CNNM2: variants seen among roughly 807,000 people sequenced by gnomAD.
CNNM2 encodes metal transporter CNNM2.
CNNM2 carries 12 observed loss-of-function variants against 66.9 expected under a neutral mutation model. The observed-to-expected ratio is 0.18, with a 90% CI of 0.11 to 0.29. CNNM2 has a LOEUF of 0.29. Among genes scored for constraint, CNNM2 ranks in the 10% least tolerant of loss-of-function variants. CNNM2 has a pLI of 1.00. For synonymous variants in CNNM2, 557 were observed against 501.8 expected (o/e 1.11, Z -1.47); for missense variants, 705 against 1,167.7 (o/e 0.60, Z 5.77).
intron 1 of CNNM2, among the ~76,000 whole-genome samples, chr10:103,019,329 A>G (rs2064523039): frequency 6.6e-6 from 1 of 151,922 alleles, no homozygotes; most frequent in Non-Finnish European, 1.5e-5. Context: ...GAATCATTGT[A>G]TTTAGCAAAA....
intron 3 of CNNM2, among the ~76,000 whole-genome samples, chr10:103,055,246 A>T (rs1012345661): frequency 1.3e-5 from 2 of 152,222 alleles, no homozygotes; most frequent in South Asian, 4.1e-4. Flanking sequence ...CAGTGGCTTT[A>T]GAAGACATCG....
chr10:103,044,332 G>A (rs2065092787), intron 1 of CNNM2, among the ~76,000 whole-genome samples: 1 of 152,134 alleles, frequency 6.6e-6, no homozygotes, highest in Non-Finnish European at 1.5e-5. Flanking sequence ...GGCCCATGTG[G>A]ATCACTTGAG....
chr10:103,058,909 T>C (rs558019666), intron 4 of CNNM2, among the ~76,000 whole-genome samples: 2 of 152,348 alleles, frequency 1.3e-5, no homozygotes, highest in African/African-American at 4.8e-5. Flanking sequence ...TAAGCCAGCG[T>C]TGGAAGTTCA....
chr10:102,928,855 G>A (rs1346296062), intron 1 of CNNM2, among the ~76,000 whole-genome samples: 2 of 152,198 alleles, frequency 1.3e-5, no homozygotes, highest in African/African-American at 4.8e-5. Context: ...TTGAGAGGAC[G>A]CATTCAAACC....
chr10:102,947,025 T>A (rs1490220201), intron 1 of CNNM2, among the ~76,000 whole-genome samples: 1 of 152,162 alleles, frequency 6.6e-6, no homozygotes, highest in Non-Finnish European at 1.5e-5. Context: ...GAGTAAATGT[T>A]GATGAGATAG....
At chr10:102,981,452 T>C (rs2063718895) in intron 1 of CNNM2, among the ~76,000 whole-genome samples, 1 of 152,014 alleles carries the variant, frequency 6.6e-6, no homozygotes, top group African/African-American at 2.4e-5. Flanking sequence ...TACTCACTTA[T>C]CTTGGGAGAA....
At chr10:102,968,748 C>G (rs1047722281) in intron 1 of CNNM2, among the ~76,000 whole-genome samples, 5 of 151,848 alleles carry the variant, frequency 3.3e-5, no homozygotes, top group Non-Finnish European at 5.9e-5. Context: ...GGACTACATA[C>G]AGGTGCACGC....
intron 1 of CNNM2, among the ~76,000 whole-genome samples, chr10:103,005,609 A>T (rs758909050): frequency 1.3e-5 from 2 of 152,188 alleles, no homozygotes; most frequent in Non-Finnish European, 2.9e-5. Context: ...AGACCGCACC[A>T]CTGCACTCCA....
intron 1 of CNNM2, among the ~76,000 whole-genome samples, chr10:103,019,290 A>G (rs1056740479): frequency 1.3e-5 from 2 of 151,482 alleles, no homozygotes; most frequent in Admixed American, 6.6e-5. Flanking sequence ...AAAAAAGAGT[A>G]ATGAAATACT....
chr10:103,040,361 G>T (rs2065017565), intron 1 of CNNM2, among the ~76,000 whole-genome samples: 2 of 151,976 alleles, frequency 1.3e-5, no homozygotes, highest in Admixed American at 1.3e-4. Context: ...GAGCCATGGA[G>T]GACCTGACTG....
Position 102,924,635 on chromosome 10 carries a change from T to A in CNNM2, c.1621+4534T>A, listed in dbSNP as rs7913682. Reference sequence around the variant, plus strand: ...ATCTAGGAAGTTGTTTTTTTTTTTTTAATTATTTTATACGTATTTGTTAGG... The same window carrying A: ...ATCTAGGAAGTTGTTTTTTTTTTTTAAATTATTTTATACGTATTTGTTAGG... On this transcript the variant is annotated intron_variant, in intron 1 of 7. Coordinates refer to ENST00000369878, the MANE Select transcript of CNNM2 (RefSeq NM_017649.5). Among the ~76,000 whole-genome samples the A allele has an allele frequency of 0.41, 61,322 of 151,210 alleles. 12,579 individuals are homozygous for A. Among genetic ancestry groups the A allele is most frequent in the East Asian group, 0.56 (2,860 of 5,136 alleles).
chr10:103,056,658 C>G (rs1314223430), intron 3 of CNNM2, 137 bp from the exon 4 acceptor site: 2 of 803,216 alleles, frequency 2.5e-6, no homozygotes, highest in African/African-American at 3.4e-5. Context: ...AGTGGATCAC[C>G]AAACGGAAGC....
Position 103,089,678 on chromosome 10 carries a change from T to C in CNNM2, c.*12498T>C, listed in dbSNP as rs2066184642. 3.8e-6 allele frequency: 6 copies of C among 1,560,014 alleles called. No individual in the cohort carries two copies. Among genetic ancestry groups the C allele is most frequent in the Non-Finnish European group, 4.4e-6 (5 of 1,141,650 alleles). The stretch of plus-strand genomic sequence containing the variant: ...GGGGTTTTGGTTTTCCTCCTTATTC[T>C]TCCTCCTCCTCCTCCTCTTCATCAT... On this transcript the variant is annotated 3_prime_UTR_variant, in exon 8 of 8. Coordinates refer to ENST00000369878, the MANE Select transcript of CNNM2 (RefSeq NM_017649.5).
intron 1 of CNNM2, among the ~76,000 whole-genome samples, chr10:103,042,754 A>G (rs940918016): frequency 2.6e-5 from 4 of 152,178 alleles, no homozygotes; most frequent in African/African-American, 7.2e-5. Context: ...ACTAAATCCA[A>G]TTGTAATTAT....
At chr10:103,002,536 A>G (rs2064141881) in intron 1 of CNNM2, among the ~76,000 whole-genome samples, 2 of 148,840 alleles carry the variant, frequency 1.3e-5, no homozygotes, top group Non-Finnish European at 1.5e-5. Flanking sequence ...CTGGAGTGCA[A>G]TGGCGTGATC....
At position 102,918,915 on chromosome 10, in the gene CNNM2, C is replaced by T; in HGVS notation, c.435C>T (p.Ser145=). 2 of 1,611,692 alleles carry T rather than the reference C, an allele frequency of 1.2e-6. No homozygotes were observed. The highest frequency in any genetic ancestry group is 1.7e-5 in the Admixed American group (1 of 59,972). Residue 145 remains serine, a synonymous_variant, in exon 1 of 8, where the codon AGC becomes AGT. Transcript: ENST00000369878. The surrounding 1 kb of genome is among the most constrained non-coding windows in gnomAD (Gnocchi z 4.1). Reference sequence around the variant, plus strand: ...GCCCCGCGCCGCCAGAGCCGGACAGCGGCCCCCAGCGATGCGGCATCCGCA... The same window carrying T: ...GCCCCGCGCCGCCAGAGCCGGACAGTGGCCCCCAGCGATGCGGCATCCGCA... ...LGGPAPPEPD[S]GPQRCGIRTS... is the part of the protein sequence containing the mutation.
At position 103,056,146 on chromosome 10, in the gene CNNM2, G is replaced by T. The variant is rs2065292485; in HGVS notation, c.1904-649G>T. Among the ~76,000 whole-genome samples the T allele has an allele frequency of 2.6e-5, 4 of 151,780 alleles. No individual in the cohort carries two copies. In the South Asian group the frequency reaches 8.3e-4, roughly 32 times the overall value. On this transcript the variant is annotated intron_variant, in intron 3 of 7. Coordinates refer to ENST00000369878, the MANE Select transcript of CNNM2 (RefSeq NM_017649.5). ...AAACTAAAACTAAATCTCCTACTCT[G>T]CTTCTGAGATATCATAGAGTCCAGT... is the stretch of plus-strand genomic sequence containing the variant.
At chr10:102,953,094 A>G (rs1434550839) in intron 1 of CNNM2, among the ~76,000 whole-genome samples, 3 of 152,220 alleles carry the variant, frequency 2.0e-5, no homozygotes, top group Non-Finnish European at 2.9e-5. Context: ...CACCTGTTAT[A>G]TTATGAAACT....
intron 1 of CNNM2, among the ~76,000 whole-genome samples, chr10:103,032,809 T>G (rs1428944881): frequency 1.3e-5 from 2 of 151,968 alleles, no homozygotes; most frequent in East Asian, 3.9e-4. Flanking sequence ...AGGTGGTGAC[T>G]TTTTTCTTAT....
Sources: allele counts gnomAD v4.1 joint callset (sites outside exome capture counted in the v4.1 genomes callset), GRCh38; gene constraint gnomAD v4.1.1; non-coding constraint Gnocchi (gnomAD v3.1); transcripts MANE v1.5; gene names NCBI Gene and HGNC (gene_info 2026-07-23, HGNC 2026-07-21).